Variants in CTPS2 observed in about 807,000 individuals in gnomAD.
CTPS2 encodes CTP synthase II.
In CTPS2, 19 loss-of-function variants were observed where a neutral mutation model predicts 46.8. The ratio of observed to expected loss-of-function variants is 0.41; its 90% confidence interval spans 0.28 to 0.60. The LOEUF is 0.60. Among genes scored for constraint, CTPS2 ranks in the 20% least tolerant of loss-of-function variants. The probability of loss-of-function intolerance (pLI) is 0.35; values close to 1 mark genes in which losing one functional copy is unlikely to be tolerated. For missense variants in CTPS2, 286 were observed against 447.6 expected (o/e 0.64, Z 3.26); for synonymous variants, 151 against 165.2 (o/e 0.91, Z 0.66).
intron 9 of CTPS2, among the ~76,000 whole-genome samples, chrX:16,680,272 C>T (rs1922627632): frequency 8.9e-6 from 1 of 111,742 alleles, no homozygotes; most frequent in Non-Finnish European, 1.9e-5. Flanking sequence ...AAAAATGACT[C>T]TCCTGGCCAA....
chrX:16,596,298 G>A (rs757361229), intron 17 of CTPS2, among the ~76,000 whole-genome samples: 11 of 108,213 alleles, frequency 1.0e-4, no homozygotes, highest in African/African-American at 3.0e-4. Context: ...CCACTAACTC[G>A]TCGTCTAGCA....
intron 14 of CTPS2, among the ~76,000 whole-genome samples, chrX:16,622,113 G>A (rs1051228202): frequency 9.0e-6 from 1 of 110,659 alleles, no homozygotes; most frequent in Non-Finnish European, 1.9e-5. Context: ...AAACACAGAC[G>A]CATCAGGAAG....
At chrX:16,703,477 C>T (rs750028453) in intron 1 of CTPS2, among the ~76,000 whole-genome samples, 1 of 109,505 alleles carries the variant, frequency 9.1e-6, no homozygotes, top group Admixed American at 9.9e-5. Flanking sequence ...ACTACAGGCA[C>T]GTGCCACGTC....
intron 17 of CTPS2, among the ~76,000 whole-genome samples, chrX:16,600,938 C>T (rs1476613987): frequency 2.7e-5 from 3 of 111,698 alleles, no homozygotes. Flanking sequence ...CTCACAGCGG[C>T]CCTAAGGAGG....
intron 17 of CTPS2, among the ~76,000 whole-genome samples, chrX:16,606,208 A>T (rs1396127876): frequency 8.9e-6 from 1 of 112,550 alleles, no homozygotes; most frequent in Non-Finnish European, 1.9e-5. Flanking sequence ...AAAGGAAGTC[A>T]TTATTCTAGT....
chrX:16,604,033 CTT>C (rs2147176780), intron 17 of CTPS2, among the ~76,000 whole-genome samples: 1 of 111,600 alleles, frequency 9.0e-6, no homozygotes, highest in East Asian at 2.8e-4. Flanking sequence ...TAAAGACTCT[CTT>C]ATTACAAAGT....
intron 13 of CTPS2, among the ~76,000 whole-genome samples, chrX:16,663,157 T>A (rs1029599446): frequency 9.0e-6 from 1 of 111,072 alleles, no homozygotes; most frequent in African/African-American, 3.3e-5. Context: ...TTTTGTTTGG[T>A]TTTGTTTTGA....
intron 14 of CTPS2, chrX:16,638,836 A>G (rs1055001562): frequency 7.0e-6 from 3 of 430,894 alleles, no homozygotes; most frequent in Non-Finnish European, 1.4e-5. Context: ...TCCAAGTCCC[A>G]GTCCAAGTTC....
chrX:16,625,339 A>G (rs1225679698), intron 14 of CTPS2, among the ~76,000 whole-genome samples: 7 of 112,454 alleles, frequency 6.2e-5, no homozygotes, highest in Non-Finnish European at 1.3e-4. Flanking sequence ...CGATAAAACG[A>G]GAGAGTTCCC....
chrX:16,623,789 A>ATT (rs1312073770), intron 14 of CTPS2, among the ~76,000 whole-genome samples: 2 of 67,542 alleles, frequency 3.0e-5, no homozygotes, highest in African/African-American at 1.4e-4. Flanking sequence ...CATCCCCTCA[A>ATT]TTCTTTTTTT....
At chrX:16,712,805 G>A (rs1925563710), upstream of CTPS2, 1 of 112,242 alleles carries the variant, frequency 8.9e-6, no homozygotes, top group Non-Finnish European at 1.9e-5. Flanking sequence ...ACCCTCGCTC[G>A]GGTCCTCCCG....
chrX:16,596,927 C>T, intron 17 of CTPS2, among the ~76,000 whole-genome samples: 1 of 105,432 alleles, frequency 9.5e-6, no homozygotes. Flanking sequence ...TTTTGATTTG[C>T]ATTTCTCTGA....
intron 13 of CTPS2, chrX:16,651,102 G>A: frequency 8.5e-7 from 1 of 1,176,912 alleles, no homozygotes; most frequent in Non-Finnish European, 1.1e-6. Flanking sequence ...AGGATGAACT[G>A]AAGCTATTGA....
chrX:16,593,353 C>G (rs1178571055), intron 17 of CTPS2, among the ~76,000 whole-genome samples: 1 of 102,658 alleles, frequency 9.7e-6, no homozygotes, highest in African/African-American at 3.7e-5. Context: ...GGCGTGAACC[C>G]GGGAGGCGGA....
chrX:16,631,347 C>CAA (rs779974024), intron 14 of CTPS2, among the ~76,000 whole-genome samples: 1 of 90,859 alleles, frequency 1.1e-5, no homozygotes, highest in Non-Finnish European at 2.2e-5. Context: ...GACTCTGTCT[C>CAA]AAAAAAAAAA....
chrX:16,598,499 C>G (rs1208467019), intron 17 of CTPS2, among the ~76,000 whole-genome samples: 1 of 111,822 alleles, frequency 8.9e-6, no homozygotes, highest in African/African-American at 3.3e-5. Flanking sequence ...CCTCCCAAGA[C>G]TAAACCAGGA....
chrX:16,645,625 G>A (rs1229487373), intron 13 of CTPS2, among the ~76,000 whole-genome samples: 1 of 112,350 alleles, frequency 8.9e-6, no homozygotes, highest in Non-Finnish European at 1.9e-5. Flanking sequence ...AAGTACGTAT[G>A]TATTTTTCCA....
chrX:16,670,352 A>G (rs1368860207), intron 11 of CTPS2, among the ~76,000 whole-genome samples: 1 of 112,396 alleles, frequency 8.9e-6, no homozygotes, highest in Non-Finnish European at 1.9e-5. Context: ...AGCCATAGAC[A>G]ATATGTAAAC....
intron 13 of CTPS2, among the ~76,000 whole-genome samples, chrX:16,667,254 T>G (rs1243531167): frequency 9.5e-6 from 1 of 105,252 alleles, no homozygotes; most frequent in Non-Finnish European, 1.9e-5. Context: ...TGCCTCAGCC[T>G]CCCGAGTAGC....
Sources: allele counts gnomAD v4.1 joint callset (sites outside exome capture counted in the v4.1 genomes callset), GRCh38; gene constraint gnomAD v4.1.1; transcripts MANE v1.5; gene names NCBI Gene and HGNC (gene_info 2026-07-23, HGNC 2026-07-21).